The following SGCD variants were observed in gnomAD, a reference collection of about 807,000 sequenced individuals.
SGCD encodes the protein delta-sarcoglycan.
In SGCD, 18 loss-of-function variants were observed where a neutral mutation model predicts 36.6. That is an observed-to-expected ratio of 0.49 (90% CI 0.34 to 0.73). The LOEUF is 0.73. Among genes scored for constraint, SGCD ranks in the 30% least tolerant of loss-of-function variants. The probability of loss-of-function intolerance (pLI) is 0.01; values close to 1 mark genes in which losing one functional copy is unlikely to be tolerated. For synonymous variants in SGCD, 133 were observed against 130.6 expected (o/e 1.02, Z -0.12); for missense variants, 387 against 346.7 (o/e 1.12, Z -0.92).
chr5:156,368,789 T>G (rs1216220810), intron 3 of SGCD, among the ~76,000 whole-genome samples: 1 of 152,192 alleles, frequency 6.6e-6, no homozygotes, highest in East Asian at 1.9e-4. Flanking sequence ...TGTCACTGTC[T>G]CTCATCACCC....
At chr5:156,013,699 C>G (rs1405009643) in intron 1 of SGCD, among the ~76,000 whole-genome samples, 1 of 151,878 alleles carries the variant, frequency 6.6e-6, no homozygotes, top group Admixed American at 6.6e-5. Flanking sequence ...AGTGTTTGCT[C>G]TTTTAAATGT....
chr5:156,699,119 C>A (rs905105814), intron 7 of SGCD, among the ~76,000 whole-genome samples: 4 of 152,150 alleles, frequency 2.6e-5, no homozygotes, highest in African/African-American at 9.7e-5. Context: ...TGAACACTTT[C>A]TTAGTGAAAG....
intron 3 of SGCD, among the ~76,000 whole-genome samples, chr5:156,175,302 G>C (rs1057219470): frequency 6.6e-6 from 1 of 151,922 alleles, no homozygotes; most frequent in African/African-American, 2.4e-5. Context: ...AGTTACTTTT[G>C]AATGTAGAAA....
intron 1 of SGCD, among the ~76,000 whole-genome samples, chr5:156,032,007 C>T (rs1759357851): frequency 6.6e-6 from 1 of 152,098 alleles, no homozygotes; most frequent in Non-Finnish European, 1.5e-5. Context: ...AATAAACTTA[C>T]CTATAAATCT....
Position 156,705,711 on chromosome 5 carries a change from G to T in SGCD, c.576-51870G>T, listed in dbSNP as rs62380951. Among the ~76,000 whole-genome samples the T allele has an allele frequency of 7.2e-3, 1,097 of 152,248 alleles. 3 individuals carry two copies. Among genetic ancestry groups the T allele is most frequent in the Non-Finnish European group, 7.9e-3 (535 of 68,008 alleles). On this transcript the variant is annotated intron_variant, in intron 7 of 8. Transcript: ENST00000337851. ...TGGATATTGGTGATAAGCTGTGTGT[G>T]ATTAGCTTGCACTGATTCTGCCTAG...
chr5:156,304,039 C>T (rs1388947982), intron 3 of SGCD, among the ~76,000 whole-genome samples: 1 of 152,066 alleles, frequency 6.6e-6, no homozygotes, highest in Non-Finnish European at 1.5e-5. Context: ...AGTACTTGCA[C>T]AGGAATTGCA....
intron 1 of SGCD, among the ~76,000 whole-genome samples, chr5:155,886,394 T>C (rs1755999469): frequency 6.6e-6 from 1 of 152,198 alleles, no homozygotes; most frequent in South Asian, 2.1e-4. Context: ...TGAGAGAATC[T>C]GATTGATGGA....
chr5:156,019,818 A>G (rs919623830), intron 1 of SGCD, among the ~76,000 whole-genome samples: 3 of 152,110 alleles, frequency 2.0e-5, no homozygotes, highest in African/African-American at 7.2e-5. Flanking sequence ...TTCTTTCTTC[A>G]CTAATCTTCG....
intron 7 of SGCD, among the ~76,000 whole-genome samples, chr5:156,744,147 G>C (rs1263258637): frequency 6.6e-6 from 1 of 152,176 alleles, no homozygotes; most frequent in Admixed American, 6.5e-5. Flanking sequence ...TGAGACCCCT[G>C]TCTCTATAAA....
At chr5:156,375,593 T>A (rs1770619504) in intron 3 of SGCD, among the ~76,000 whole-genome samples, 1 of 152,140 alleles carries the variant, frequency 6.6e-6, no homozygotes, top group Non-Finnish European at 1.5e-5. Context: ...TAAATGATTG[T>A]TTCAAGAAAT....
At chr5:155,753,985 C>T in the SGCD span, among the ~76,000 whole-genome samples, 6 of 152,186 alleles carry the variant, frequency 3.9e-5, no homozygotes, top group South Asian at 1.2e-3. Context: ...TCCATATCGT[C>T]TTGCACTGAC....
chr5:156,263,557 T>G (rs4461618), intron 3 of SGCD, among the ~76,000 whole-genome samples: 32,598 of 152,170 alleles, frequency 0.21, 3,905 homozygotes, highest in Admixed American at 0.27. Context: ...CTCTTTATTT[T>G]GCTGATTGTT....
intron 1 of SGCD, among the ~76,000 whole-genome samples, chr5:155,872,949 T>G (rs1293572492): frequency 1.3e-5 from 2 of 152,220 alleles, no homozygotes; most frequent in Non-Finnish European, 2.9e-5. Context: ...CTAGGGCATC[T>G]TTCTCAAAAC....
intron 3 of SGCD, among the ~76,000 whole-genome samples, chr5:156,381,729 T>G (rs1770990257): frequency 6.6e-6 from 1 of 152,140 alleles, no homozygotes; most frequent in Admixed American, 6.5e-5. Flanking sequence ...TTTAAAGGGT[T>G]TGGTACACAG....
intron 1 of SGCD, among the ~76,000 whole-genome samples, chr5:156,068,742 G>A (rs1472500834): frequency 6.6e-6 from 1 of 151,556 alleles, no homozygotes; most frequent in Admixed American, 6.6e-5. Flanking sequence ...CCCACCAACA[G>A]TGTCAAAGTG....
intron 4 of SGCD, among the ~76,000 whole-genome samples, chr5:156,549,543 T>C (rs1160958252): frequency 6.6e-6 from 1 of 152,206 alleles, no homozygotes; most frequent in East Asian, 1.9e-4. Flanking sequence ...CTCCAGTAAA[T>C]GGGCTAGAAA....
intron 3 of SGCD, among the ~76,000 whole-genome samples, chr5:156,126,847 T>G (rs1226476898): frequency 6.6e-6 from 1 of 152,226 alleles, no homozygotes; most frequent in Non-Finnish European, 1.5e-5. Context: ...GTCAGCAGCA[T>G]CAGCATCATC....
chr5:156,177,900 A>G (rs1405492542), intron 3 of SGCD, among the ~76,000 whole-genome samples: 1 of 152,216 alleles, frequency 6.6e-6, no homozygotes, highest in East Asian at 1.9e-4. Context: ...ACTTGGCAGC[A>G]TTAAGGATGA....
At chr5:155,883,153 T>C (rs1755926504) in intron 1 of SGCD, among the ~76,000 whole-genome samples, 1 of 152,212 alleles carries the variant, frequency 6.6e-6, no homozygotes. Flanking sequence ...AGTTAGGGCC[T>C]TGCTCTGGGT....
Sources: allele counts gnomAD v4.1 joint callset (sites outside exome capture counted in the v4.1 genomes callset), GRCh38; gene constraint gnomAD v4.1.1; transcripts MANE v1.5; gene names NCBI Gene and HGNC (gene_info 2026-07-23, HGNC 2026-07-21).